MTMR10: variants seen among roughly 807,000 people sequenced by gnomAD.
The protein encoded by MTMR10 is myotubularin-related protein 10.
A neutral mutation model predicts 88.1 loss-of-function variants in MTMR10; 56 were observed. The observed-to-expected ratio is 0.64, with a 90% CI of 0.51 to 0.79. The LOEUF (loss-of-function observed/expected upper bound fraction) is 0.79. MTMR10 is among the 30% of genes least tolerant of loss of function. MTMR10 has a pLI of 0.00. For missense variants in MTMR10, 883 were observed against 924.7 expected, an observed-to-expected ratio of 0.95 and a Z score of 0.58; for synonymous variants, 380 against 340.9, an observed-to-expected ratio of 1.11 and a Z score of -1.26.
chr15:30,939,718 A>G lies in MTMR10; in HGVS notation c.*1752T>C. 6 of 977,028 alleles carry G rather than the reference A, an allele frequency of 6.1e-6. No homozygotes were observed. Among genetic ancestry groups the G allele is most frequent in the Non-Finnish European group, 7.3e-6 (6 of 822,250 alleles). The allele number at this position is 977,028 out of a possible 1,614,324, so 60.5% of individuals were successfully genotyped here. A position where few individuals can be genotyped will look rare whatever the true frequency, so the allele number is the denominator to read the frequency against. On this transcript the variant is annotated 3_prime_UTR_variant, in exon 16 of 16. Coordinates refer to ENST00000435680, the MANE Select transcript of MTMR10 (RefSeq NM_017762.3). ...AATGCTCAATCCAAAACATTTAGTA[A>G]TAATAAAAAAGCAGCTAAATGAAAA...
chr15:30,942,028 C>CT lies in MTMR10; in HGVS notation c.1775dup (p.Asn593GlufsTer6), dbSNP rs1301985827. ...ATTCTTGGTCACTGATGATTCCATT[C>CT]TTTAAGGCAGACGGCATTCCTCTTA... is the stretch of plus-strand genomic sequence containing the variant. On this transcript the variant is annotated frameshift_variant, in exon 16 of 16. Transcript: ENST00000435680. LOFTEE classifies it low-confidence loss of function (END_TRUNC). 1.2e-6 allele frequency: 2 copies of CT among 1,613,852 alleles called. No individual in the cohort carries two copies. The highest frequency in any genetic ancestry group is 2.7e-5 in the African/African-American group (2 of 74,914).
chr15:30,958,486 G>A (rs2063356954), intron 9 of MTMR10, among the ~76,000 whole-genome samples: 1 of 152,206 alleles, frequency 6.6e-6, no homozygotes, highest in African/African-American at 2.4e-5. Context: ...TAAAACCACT[G>A]TTCTAGCTAT....
At chr15:30,975,025 A>G (rs1346858529) in intron 3 of MTMR10, 22 bp from the exon 4 acceptor site, 1 of 1,481,488 alleles carries the variant, frequency 6.7e-7, no homozygotes, top group Non-Finnish European at 9.2e-7. Context: ...AATTATGTTC[A>G]TATTAATTCT....
the MTMR10 span, among the ~76,000 whole-genome samples, chr15:30,924,384 GTTGAGCTTT>G: frequency 6.6e-6 from 1 of 152,204 alleles, no homozygotes. Flanking sequence ...GTGATTCTGT[GTTGAGCTTT>G]TTGAGGAGTG....
the MTMR10 span, chr15:30,930,810 G>C: frequency 9.4e-7 from 1 of 1,060,174 alleles, no homozygotes; most frequent in Non-Finnish European, 1.4e-6. Flanking sequence ...CTGGGTTCCT[G>C]TGGGCCTGTC....
chr15:30,990,942 C>G, intron 1 of MTMR10, 105 bp from the exon 2 acceptor site: 2 of 884,048 alleles, frequency 2.3e-6, no homozygotes, highest in East Asian at 5.4e-5. Context: ...GAAAGACACA[C>G]AGCCCCCCAT....
intron 2 of MTMR10, among the ~76,000 whole-genome samples, chr15:30,981,969 G>A (rs7164530): frequency 0.3 from 44,817 of 151,484 alleles, 7,600 homozygotes; most frequent in African/African-American, 0.48. Context: ...TACTCAACAG[G>A]CTGAGGCAGG....
downstream of MTMR10, among the ~76,000 whole-genome samples, chr15:30,937,928 TC>T (rs2062908862): frequency 1.3e-5 from 2 of 150,746 alleles, no homozygotes; most frequent in African/African-American, 4.8e-5. Context: ...ATGCCTGTAA[TC>T]CCAGCACTTT....
At chr15:30,962,503 C>G (rs1329688891) in intron 6 of MTMR10, among the ~76,000 whole-genome samples, 1 of 152,156 alleles carries the variant, frequency 6.6e-6, no homozygotes, top group East Asian at 1.9e-4. Context: ...ATTTTCCAAC[C>G]AAATCAAACC....
intron 2 of MTMR10, among the ~76,000 whole-genome samples, chr15:30,988,239 A>C (rs1037466359): frequency 6.6e-5 from 10 of 152,198 alleles, no homozygotes; most frequent in African/African-American, 2.4e-4. Flanking sequence ...GGATGGGTGC[A>C]GGAAGGCCAG....
rs2063006697 is a variant in MTMR10 at position 30,940,491 on chromosome 15, A to C, written c.*979T>G. On this transcript the variant is annotated 3_prime_UTR_variant, in exon 16 of 16. Coordinates refer to ENST00000435680, the MANE Select transcript of MTMR10 (RefSeq NM_017762.3). ...CAGGTGCCCAACTCGTAACCTCATT[A>C]GTTATTTCCAGGGGGAAGTGCCAGC... 1 of 985,472 alleles carries C rather than the reference A, an allele frequency of 1.0e-6. No individual in the cohort carries two copies. Among genetic ancestry groups the C allele is most frequent in the South Asian group, 4.7e-5 (1 of 21,292 alleles). 61.0% of individuals were successfully genotyped at this position (985,472 alleles called of 1,614,324 possible).
Position 30,940,982 on chromosome 15 carries a change from A to G in MTMR10, c.*488T>C. ...TAAAATCATAAATTCTGGCCCCAGA[A>G]CACTGAACCTTCATCAGGTGAGTTC... On this transcript the variant is annotated 3_prime_UTR_variant, in exon 16 of 16. Transcript: ENST00000435680. The G allele has an allele frequency of 8.8e-7, 1 of 1,130,742 alleles. No homozygotes were observed. The highest frequency in any genetic ancestry group is 4.6e-5 in the Admixed American group (1 of 21,630). The allele number at this position is 1,130,742 out of a possible 1,614,324, so 70.0% of individuals were successfully genotyped here. A position where few individuals can be genotyped will look rare whatever the true frequency, so the allele number is the denominator to read the frequency against.
chr15:30,924,186 T>C, the MTMR10 span, among the ~76,000 whole-genome samples: 1 of 152,242 alleles, frequency 6.6e-6, no homozygotes, highest in African/African-American at 2.4e-5. Flanking sequence ...ACTCCGTTCC[T>C]TCTCCAGGCT....
intron 6 of MTMR10, 67 bp from the exon 7 acceptor site, chr15:30,961,140 G>A: frequency 6.7e-7 from 1 of 1,490,312 alleles, no homozygotes; most frequent in South Asian, 1.3e-5. Flanking sequence ...TCTTCTCTGA[G>A]CCTCCTGTCA....
intron 12 of MTMR10, chr15:30,949,896 G>C (rs914574687): frequency 6.6e-6 from 1 of 152,222 alleles, no homozygotes; most frequent in Non-Finnish European, 1.5e-5. Flanking sequence ...CCATTTATAT[G>C]AAATGCCCAG....
At chr15:30,961,761 G>T (rs1254553452) in intron 6 of MTMR10, among the ~76,000 whole-genome samples, 1 of 152,148 alleles carries the variant, frequency 6.6e-6, no homozygotes, top group Non-Finnish European at 1.5e-5. Context: ...CCCCCAGAAT[G>T]AAGAATGGCT....
chr15:30,933,039 T>G, the MTMR10 span, among the ~76,000 whole-genome samples: 2 of 152,128 alleles, frequency 1.3e-5, no homozygotes, highest in African/African-American at 2.4e-5. Flanking sequence ...TTACTGTATT[T>G]TAATATCTGT....
chr15:30,919,636 C>A, the MTMR10 span, among the ~76,000 whole-genome samples: 5 of 148,818 alleles, frequency 3.4e-5, no homozygotes, highest in Non-Finnish European at 7.4e-5. Flanking sequence ...TTGTAATGAG[C>A]TGAGATCGCA....
At chr15:30,970,200 T>A (rs762043061) in intron 5 of MTMR10, among the ~76,000 whole-genome samples, 3 of 152,282 alleles carry the variant, frequency 2.0e-5, no homozygotes, top group Admixed American at 6.5e-5. Context: ...ACCTACAATG[T>A]TGTAAGCCCT....
Sources: gnomAD v4.1 joint callset for allele counts (sites outside exome capture counted in the v4.1 genomes callset) on GRCh38, gnomAD v4.1.1 for gene constraint, MANE v1.5 for transcripts, NCBI Gene and HGNC (gene_info 2026-07-23, HGNC 2026-07-21) for gene names.